ROBO2: variants seen among roughly 807,000 people sequenced by gnomAD.
ROBO2 encodes roundabout homolog 2.
ROBO2 carries 53 observed loss-of-function variants against 160.8 expected under a neutral mutation model. The observed-to-expected ratio is 0.33, with a 90% confidence interval of 0.26 to 0.41. ROBO2 has a LOEUF of 0.41. Ranked by LOEUF, ROBO2 falls within the 10% of genes least tolerant of loss-of-function variation. The pLI is 1.00. For missense variants in ROBO2, 1,577 were observed against 1,722.4 expected, an observed-to-expected ratio of 0.92 and a Z score of 1.49; for synonymous variants, 664 against 611.7, an observed-to-expected ratio of 1.09 and a Z score of -1.26.
At chr3:77,444,231 A>T (rs2080240072) in intron 2 of ROBO2, among the ~76,000 whole-genome samples, 1 of 152,194 alleles carries the variant, frequency 6.6e-6, no homozygotes, top group South Asian at 2.1e-4. Flanking sequence ...TCACGTCTTT[A>T]TGTATTTTAT....
intron 1 of ROBO2, among the ~76,000 whole-genome samples, chr3:77,090,296 T>A (rs1003394884): frequency 6.8e-6 from 1 of 146,578 alleles, no homozygotes; most frequent in African/African-American, 2.5e-5. Flanking sequence ...TCCATATATA[T>A]GATTTCTTTT....
chr3:76,304,265 G>A (rs577556063), intron 2 of ROBO2, among the ~76,000 whole-genome samples: 3 of 152,314 alleles, frequency 2.0e-5, no homozygotes, highest in East Asian at 3.9e-4. Flanking sequence ...GGATGTATAC[G>A]ATACCTTGTT....
chr3:76,328,676 C>T (rs1313090109), intron 2 of ROBO2, among the ~76,000 whole-genome samples: 3 of 151,812 alleles, frequency 2.0e-5, no homozygotes, highest in Admixed American at 6.6e-5. Context: ...CTGGCTAACA[C>T]GGTGAAACCC....
chr3:76,263,262 C>G (rs1706881973), intron 2 of ROBO2, among the ~76,000 whole-genome samples: 1 of 152,076 alleles, frequency 6.6e-6, no homozygotes, highest in African/African-American at 2.4e-5. Flanking sequence ...GGGTCTTGCT[C>G]TGTCACTCAG....
At chr3:77,541,513 C>G (rs1378578494) in intron 6 of ROBO2, among the ~76,000 whole-genome samples, 4 of 152,200 alleles carry the variant, frequency 2.6e-5, no homozygotes, top group Non-Finnish European at 5.9e-5. Flanking sequence ...TCTCAAAACA[C>G]AGTTTCAAGT....
chr3:77,450,983 C>T (rs1445365614), intron 2 of ROBO2, among the ~76,000 whole-genome samples: 1 of 151,872 alleles, frequency 6.6e-6, no homozygotes, highest in African/African-American at 2.4e-5. Flanking sequence ...TTCCAAACAC[C>T]CTAGTTTTCT....
At chr3:77,123,321 G>A (rs2074970507) in intron 2 of ROBO2, among the ~76,000 whole-genome samples, 1 of 152,056 alleles carries the variant, frequency 6.6e-6, no homozygotes, top group Non-Finnish European at 1.5e-5. Flanking sequence ...GTTTGTTTGT[G>A]TTTTTTCTGC....
intron 5 of ROBO2, among the ~76,000 whole-genome samples, chr3:77,510,223 A>T (rs1433034184): frequency 6.6e-6 from 1 of 152,136 alleles, no homozygotes; most frequent in African/African-American, 2.4e-5. Context: ...AAACTGTTAT[A>T]TTAACATAAA....
chr3:76,028,572 A>C (rs545410692), intron 2 of ROBO2, among the ~76,000 whole-genome samples: 1 of 151,998 alleles, frequency 6.6e-6, no homozygotes, highest in Non-Finnish European at 1.5e-5. Flanking sequence ...GAAAATCTCC[A>C]AAGAACTAGG....
At chr3:76,107,821 A>G (rs1404386862) in intron 2 of ROBO2, among the ~76,000 whole-genome samples, 2 of 152,124 alleles carry the variant, frequency 1.3e-5, no homozygotes, top group Non-Finnish European at 2.9e-5. Context: ...TTCCCACATG[A>G]ATGAATTAGA....
intron 2 of ROBO2, among the ~76,000 whole-genome samples, chr3:76,093,588 G>A (rs1043137600): frequency 6.7e-6 from 1 of 149,940 alleles, no homozygotes; most frequent in African/African-American, 2.4e-5. Flanking sequence ...TGCTTGGAAT[G>A]ATTTTTTTTC....
intron 2 of ROBO2, among the ~76,000 whole-genome samples, chr3:76,796,157 C>T (rs1428812198): frequency 6.6e-6 from 1 of 152,038 alleles, no homozygotes; most frequent in Non-Finnish European, 1.5e-5. Flanking sequence ...CTTCAAATCA[C>T]CAGGGCACCA....
chr3:77,534,679 A>G (rs1206708611), intron 6 of ROBO2, among the ~76,000 whole-genome samples: 1 of 152,214 alleles, frequency 6.6e-6, no homozygotes, highest in Non-Finnish European at 1.5e-5. Context: ...ATAAACTAGC[A>G]AACTATATTA....
intron 2 of ROBO2, among the ~76,000 whole-genome samples, chr3:77,423,664 AT>A (rs2077919839): frequency 6.6e-6 from 1 of 152,122 alleles, no homozygotes; most frequent in African/African-American, 2.4e-5. Flanking sequence ...TGTGCCCAGC[AT>A]TTTTGCTGAT....
exon 15 of ROBO2, chr3:77,577,570 C>T: frequency 6.2e-7 from 1 of 1,613,166 alleles, no homozygotes; most frequent in Non-Finnish European, 8.5e-7. Context: ...TTCCTGGGAT[C>T]CTCCTCCTCC....
At chr3:77,271,091 G>C (rs372356731) in intron 2 of ROBO2, among the ~76,000 whole-genome samples, 2 of 151,640 alleles carry the variant, frequency 1.3e-5, no homozygotes, top group Non-Finnish European at 2.9e-5. Flanking sequence ...CACATTTTTT[G>C]TGCAAACACT....
intron 2 of ROBO2, among the ~76,000 whole-genome samples, chr3:76,771,517 T>C (rs1170869085): frequency 7.9e-5 from 12 of 151,198 alleles, no homozygotes; most frequent in Admixed American, 5.3e-4. Flanking sequence ...AGTCAGAATC[T>C]TAAAACAACT....
intron 2 of ROBO2, among the ~76,000 whole-genome samples, chr3:76,057,994 T>G (rs17013720): frequency 0.021 from 3,125 of 152,300 alleles, 43 homozygotes; most frequent in East Asian, 0.081. Context: ...GTTATGATTA[T>G]AAATGGAACA....
intron 2 of ROBO2, among the ~76,000 whole-genome samples, chr3:76,796,786 G>C (rs1277280381): frequency 2.6e-5 from 4 of 151,914 alleles, no homozygotes; most frequent in Admixed American, 2.6e-4. Context: ...AACCAAAGAA[G>C]AGCAGGTATA....
Sources: gnomAD v4.1 joint callset for allele counts (sites outside exome capture counted in the v4.1 genomes callset) on GRCh38, gnomAD v4.1.1 for gene constraint, MANE v1.5 for transcripts, NCBI Gene and HGNC (gene_info 2026-07-23, HGNC 2026-07-21) for gene names.